The following CUX2 variants were observed in gnomAD, a reference collection of about 807,000 sequenced individuals.
CUX2 encodes cut like homeobox 2.
CUX2 carries 40 observed loss-of-function variants against 144.8 expected under a neutral mutation model. That is an observed-to-expected ratio of 0.28 (90% CI 0.21 to 0.36). The LOEUF is 0.36. Among genes scored for constraint, CUX2 ranks in the 10% least tolerant of loss-of-function variants. The pLI, the probability that CUX2 is intolerant of heterozygous loss-of-function variation, is 1.00. For missense variants in CUX2, 1,615 were observed against 1,994.0 expected, an observed-to-expected ratio of 0.81 and a Z score of 3.62; for synonymous variants, 827 against 875.6, an observed-to-expected ratio of 0.94 and a Z score of 0.98.
At chr12:111,281,988 T>G (rs1227396992) in intron 4 of CUX2, among the ~76,000 whole-genome samples, 3 of 151,672 alleles carry the variant, frequency 2.0e-5, no homozygotes, top group African/African-American at 7.3e-5. Context: ...GGTGGGGAGT[T>G]TCAGAGCAAG....
chr12:111,279,229 C>A (rs1334272568), intron 4 of CUX2, among the ~76,000 whole-genome samples: 1 of 152,162 alleles, frequency 6.6e-6, no homozygotes, highest in Non-Finnish European at 1.5e-5. Flanking sequence ...GCTTGTCTCC[C>A]TGAAAGGCAA....
chr12:111,110,121 AATCCTCCCACCTC>A (rs977089307), intron 1 of CUX2, among the ~76,000 whole-genome samples: 2 of 151,446 alleles, frequency 1.3e-5, no homozygotes, highest in African/African-American at 4.9e-5. Context: ...AGGCTCAAGC[AATCCTCCCACCTC>A]AGCCTCCTGA....
At chr12:111,051,903 T>G (rs1050441934) in intron 1 of CUX2, among the ~76,000 whole-genome samples, 4 of 152,176 alleles carry the variant, frequency 2.6e-5, no homozygotes, top group Admixed American at 2.6e-4. Flanking sequence ...GAGGATTTTC[T>G]TAGTGGTTTG....
chr12:111,298,892 G>A lies in CUX2; in HGVS notation c.753+303G>A, dbSNP rs560836648. 2.6e-4 allele frequency among the ~76,000 whole-genome samples: 39 copies of A among 152,296 alleles called. 1 individual carries two copies. In the East Asian group the frequency reaches 6.4e-3, roughly 25 times the overall value. ...CGCTGACCCAGACTGCGGGAGTCCA[G>A]GAAGACGTCCTAGAGGAAGGGATGT... On this transcript the variant is annotated intron_variant, in intron 9 of 21. Coordinates refer to ENST00000261726, the MANE Select transcript of CUX2 (RefSeq NM_015267.4).
rs141324703 is a variant in CUX2, at chr12:111,095,995, T to G, written c.63+61755T>G. On this transcript the variant is annotated intron_variant, in intron 1 of 21. Coordinates refer to ENST00000261726, the MANE Select transcript of CUX2 (RefSeq NM_015267.4). The stretch of plus-strand genomic sequence containing the variant: ...CTGGCCCTGGAGCTGAGTCCCCTTG[T>G]GCAAGTCCGAGCCTCCTCGAGCAAG... Among the ~76,000 whole-genome samples, 976 of 152,238 alleles carry G rather than the reference T, an allele frequency of 6.4e-3. 12 individuals are homozygous for G. The highest frequency in any genetic ancestry group is 0.022 in the African/African-American group (920 of 41,534).
Position 111,057,526 on chromosome 12 carries a change from G to A in CUX2, c.63+23286G>A, listed in dbSNP as rs571038938. 3.9e-5 allele frequency among the ~76,000 whole-genome samples: 6 copies of A among 152,178 alleles called. No homozygotes were observed. Among genetic ancestry groups the A allele is most frequent in the South Asian group, 2.1e-4 (1 of 4,806 alleles). ...TTGAGGGCCTCAGGGTGACCAGGCC[G>A]ATTCCAACGTGGGGACCCAGACCTC... On this transcript the variant is annotated intron_variant, in intron 1 of 21. Transcript: ENST00000261726. This position sits in a 1 kb window ranked among gnomAD's most constrained non-coding sequence, Gnocchi z 5.1.
intron 4 of CUX2, among the ~76,000 whole-genome samples, chr12:111,283,038 C>A (rs1440451335): frequency 6.6e-6 from 1 of 151,808 alleles, no homozygotes; most frequent in Non-Finnish European, 1.5e-5. Flanking sequence ...CATGGTGAAA[C>A]CCTGTCTCTA....
intron 18 of CUX2, among the ~76,000 whole-genome samples, chr12:111,332,218 C>T (rs1023803532): frequency 6.2e-5 from 9 of 144,748 alleles, no homozygotes; most frequent in East Asian, 4.2e-4. Flanking sequence ...CTGCGAGCTC[C>T]GCCTCCCAGG....
At chr12:111,296,405 C>T (rs1885993922) in intron 7 of CUX2, 68 bp from the exon 8 acceptor site, 28 of 1,449,766 alleles carry the variant, frequency 1.9e-5, no homozygotes, top group Non-Finnish European at 2.7e-5. Flanking sequence ...GTGGGCTCCA[C>T]CTCCCTGGGA....
At chr12:111,282,103 C>T (rs546406599) in intron 4 of CUX2, among the ~76,000 whole-genome samples, 8 of 151,952 alleles carry the variant, frequency 5.3e-5, no homozygotes, top group Middle Eastern at 3.4e-3. Flanking sequence ...AGGTGGATCA[C>T]GAGGTCAGGA....
chr12:111,338,403 G>T lies in CUX2; in HGVS notation c.3314G>T (p.Arg1105Leu). Residue 1105 changes from arginine (R) to leucine (L), a missense_variant, in exon 20 of 22, where the codon CGC becomes CTC. Around this residue, in one of 12 missense-constraint regions of CUX2, gnomAD observed 131 missense variants for 223.1 expected, o/e 0.59. Transcript: ENST00000261726. ...LSLKGREPFV[R>L]MQLWLNDPHN... ...CTGAAGGGGCGGGAGCCTTTTGTCCGCATGCAGCTGTGGCTCAATGACCCC... is the reference window on the plus strand; with the variant it reads ...CTGAAGGGGCGGGAGCCTTTTGTCCTCATGCAGCTGTGGCTCAATGACCCC... The T allele has an allele frequency of 6.2e-7, 1 of 1,614,084 alleles. No individual in the cohort carries two copies. The highest frequency in any genetic ancestry group is 1.1e-5 in the South Asian group (1 of 91,072).
At chr12:111,150,972 G>A (rs980580878) in intron 1 of CUX2, among the ~76,000 whole-genome samples, 8 of 152,162 alleles carry the variant, frequency 5.3e-5, no homozygotes, top group Admixed American at 3.3e-4. Context: ...CATCTCAAAC[G>A]TTTTAAAGTT....
intron 1 of CUX2, among the ~76,000 whole-genome samples, chr12:111,147,059 C>T (rs1026209259): frequency 2.6e-5 from 4 of 152,138 alleles, no homozygotes; most frequent in South Asian, 2.1e-4. Flanking sequence ...TGCTTGAACT[C>T]GGGAGGCAGT....
At chr12:111,174,813 C>G (rs1878749692) in intron 1 of CUX2, among the ~76,000 whole-genome samples, 1 of 152,134 alleles carries the variant, frequency 6.6e-6, no homozygotes, top group Non-Finnish European at 1.5e-5. Flanking sequence ...GCAGCCTTCC[C>G]CAGGATGATG....
intron 21 of CUX2, among the ~76,000 whole-genome samples, chr12:111,345,095 T>C (rs1042179928): frequency 6.6e-6 from 1 of 151,906 alleles, no homozygotes; most frequent in African/African-American, 2.4e-5. Flanking sequence ...TAAAAAATGT[T>C]TTTTGATCCA....
At chr12:111,275,493 G>A (rs1188608090) in intron 4 of CUX2, among the ~76,000 whole-genome samples, 1 of 152,178 alleles carries the variant, frequency 6.6e-6, no homozygotes, top group Admixed American at 6.5e-5. Context: ...GCATGTGTCG[G>A]CTGGAAGGCT....
Position 111,334,481 on chromosome 12 carries a change from C to T in CUX2, c.2967C>T (p.Pro989=). 6.2e-7 allele frequency: 1 copy of T among 1,611,446 alleles called. No individual in the cohort carries two copies. The highest frequency in any genetic ancestry group is 1.1e-5 in the South Asian group (1 of 90,882). The change falls in exon 19 of 22, where the codon CCC becomes CCT. Residue 989 remains proline (P), a synonymous_variant. Transcript: ENST00000261726. ...CAAGGTCCTCACCATCCCCACCCCC[C>T]AGCCCCACAGAGCCTGAGAAGAGCT... The part of the protein sequence containing the change: ...TEPRSSPSPP[P]SPTEPEKSSQ...
At chr12:111,182,225 G>A (rs1332376197) in intron 1 of CUX2, among the ~76,000 whole-genome samples, 1 of 152,156 alleles carries the variant, frequency 6.6e-6, no homozygotes, top group Non-Finnish European at 1.5e-5. Flanking sequence ...CCCATCCTAG[G>A]GCCCCGGGGA....
intron 4 of CUX2, among the ~76,000 whole-genome samples, chr12:111,268,520 T>TCAGTC (rs1884492931): frequency 6.6e-6 from 1 of 152,126 alleles, no homozygotes; most frequent in East Asian, 1.9e-4. Flanking sequence ...CATCCCGCGC[T>TCAGTC]CACAGGAACA....
Sources: allele counts gnomAD v4.1 joint callset (sites outside exome capture counted in the v4.1 genomes callset), GRCh38; gene constraint gnomAD v4.1.1; regional missense constraint gnomAD v4.1.1; non-coding constraint Gnocchi (gnomAD v3.1); transcripts MANE v1.5; gene names NCBI Gene and HGNC (gene_info 2026-07-23, HGNC 2026-07-21).